The following NELL1 variants were observed in gnomAD, a reference collection of about 807,000 sequenced individuals.
The protein encoded by NELL1 is neural EGFL like 1, also known as protein kinase C-binding protein NELL1.
Under a neutral mutation model 107.4 loss-of-function variants are expected in NELL1, and 76 were observed. That is an observed-to-expected ratio of 0.71 (90% CI 0.59 to 0.86). NELL1 has a LOEUF of 0.86. Among genes scored for constraint, NELL1 ranks in the 40% least tolerant of loss-of-function variants. The pLI is 0.00. For missense variants in NELL1, 1,024 were observed against 1,005.5 expected, an observed-to-expected ratio of 1.02 and a Z score of -0.25; for synonymous variants, 353 against 341.2, an observed-to-expected ratio of 1.03 and a Z score of -0.38.
At chr11:21,304,446 ATGCAGTGGGGAAAGGAT>A (rs1266895797) in intron 14 of NELL1, among the ~76,000 whole-genome samples, 1 of 152,002 alleles carries the variant, frequency 6.6e-6, no homozygotes, top group African/African-American at 2.4e-5. Flanking sequence ...CACAGAAGTG[ATGCAGTGGGGAAAGGAT>A]TGCAGTGGGA....
intron 12 of NELL1, among the ~76,000 whole-genome samples, chr11:20,961,205 T>C (rs1264493369): frequency 6.6e-6 from 1 of 152,162 alleles, no homozygotes; most frequent in African/African-American, 2.4e-5. Context: ...GCACCGTTTT[T>C]TCAGGCTTAG....
intron 14 of NELL1, among the ~76,000 whole-genome samples, chr11:21,264,749 G>C (rs562482253): frequency 2.1e-4 from 32 of 151,860 alleles, no homozygotes; most frequent in Non-Finnish European, 3.4e-4. Context: ...AACAGTTGTG[G>C]AGTGTGTGTG....
At chr11:20,916,236 A>C in intron 5 of NELL1, among the ~76,000 whole-genome samples, 1 of 152,056 alleles carries the variant, frequency 6.6e-6, no homozygotes, top group East Asian at 1.9e-4. Context: ...ACCTTCACCT[A>C]ATGATCTATG....
In NELL1 at chr11:20,728,075, CAT is replaced by C. The variant is rs1179299039; in HGVS notation, c.184+50018_184+50019del. On this transcript the variant is annotated intron_variant, in intron 2 of 19. Coordinates refer to ENST00000357134, the MANE Select transcript of NELL1 (RefSeq NM_006157.5). ...TGATTAGTCATGCTGAGCATTTTTT[CAT>C]ATGTTTGTTGGCCGTTTCTATGTAT... 5.3e-5 allele frequency among the ~76,000 whole-genome samples: 8 copies of C among 152,050 alleles called. No individual in the cohort carries two copies. The South Asian group carries it at 8.3e-4, about 16-fold the overall frequency.
intron 14 of NELL1, among the ~76,000 whole-genome samples, chr11:21,264,889 A>G (rs1848606733): frequency 1.3e-5 from 2 of 151,954 alleles, no homozygotes; most frequent in Non-Finnish European, 2.9e-5. Context: ...AAGCCTCCAA[A>G]ATAGAGAGCA....
chr11:20,885,584 T>A (rs764153071), intron 5 of NELL1, 44 bp downstream of exon 5: 2 of 1,184,214 alleles, frequency 1.7e-6, no homozygotes, highest in Non-Finnish European at 2.5e-6. Context: ...ATATAGGCGA[T>A]GCTCAGTTTT....
rs147724159 is a variant in NELL1 at position 20,817,643 on chromosome 11, C to T, written c.336-29940C>T. Among the ~76,000 whole-genome samples the T allele has an allele frequency of 2.0e-4, 30 of 151,446 alleles. No homozygotes were observed. The South Asian group carries it at 4.2e-3, about 21-fold the overall frequency. ...TCCTGGATCTCAATTTCCTTTAGTT[C>T]TCTCCTGATTTTAGTTACTTATTTT... On this transcript the variant is annotated intron_variant, in intron 3 of 19. Transcript: ENST00000357134.
chr11:21,388,232 A>G (rs548335205), intron 15 of NELL1, among the ~76,000 whole-genome samples: 3 of 151,922 alleles, frequency 2.0e-5, no homozygotes, highest in East Asian at 2.0e-4. Flanking sequence ...GCATTTCTAC[A>G]TCGGGGCAGT....
intron 13 of NELL1, among the ~76,000 whole-genome samples, chr11:21,225,915 G>A (rs980993731): frequency 1.3e-5 from 2 of 152,106 alleles, no homozygotes; most frequent in Non-Finnish European, 2.9e-5. Flanking sequence ...TTTACAATGA[G>A]GAATCTAAGA....
intron 2 of NELL1, among the ~76,000 whole-genome samples, chr11:20,730,206 G>A (rs1855600173): frequency 1.3e-5 from 2 of 152,210 alleles, no homozygotes; most frequent in East Asian, 1.9e-4. Flanking sequence ...AAGCAAATAT[G>A]TAAAAGATTA....
intron 15 of NELL1, among the ~76,000 whole-genome samples, chr11:21,522,562 G>T (rs1363399285): frequency 6.6e-6 from 1 of 152,060 alleles, no homozygotes; most frequent in Non-Finnish European, 1.5e-5. Context: ...AGACTCTGAA[G>T]GTGTGCGGGG....
In NELL1 at chr11:21,528,081, T is replaced by C. The variant is rs1330092947; in HGVS notation, c.1646-6293T>C. 2.6e-5 allele frequency among the ~76,000 whole-genome samples: 4 copies of C among 152,300 alleles called. No individual in the cohort carries two copies. The East Asian group carries it at 7.7e-4, about 29-fold the overall frequency. ...ACTAATAGAGGCCATAAATGCACAG[T>C]CCTTTCATTTTACACAGAAGGAACT... On this transcript the variant is annotated intron_variant, in intron 15 of 19. Coordinates refer to ENST00000357134, the MANE Select transcript of NELL1 (RefSeq NM_006157.5).
intron 12 of NELL1, among the ~76,000 whole-genome samples, chr11:21,008,496 G>T (rs1326664971): frequency 6.6e-6 from 1 of 152,070 alleles, no homozygotes; most frequent in African/African-American, 2.4e-5. Context: ...TGGGACAGGC[G>T]CTGTATTATA....
chr11:20,747,115 C>T (rs1355228381), intron 2 of NELL1, among the ~76,000 whole-genome samples: 3 of 152,072 alleles, frequency 2.0e-5, no homozygotes, highest in African/African-American at 4.8e-5. Flanking sequence ...AGTATTGCCT[C>T]AGAGTGATGG....
intron 4 of NELL1, among the ~76,000 whole-genome samples, chr11:20,876,162 G>A (rs1849300750): frequency 6.6e-6 from 1 of 152,166 alleles, no homozygotes; most frequent in African/African-American, 2.4e-5. Context: ...CCTTGTTATA[G>A]CCCTTCTTCC....
chr11:20,804,183 A>G (rs1378011130), intron 3 of NELL1, among the ~76,000 whole-genome samples: 1 of 152,030 alleles, frequency 6.6e-6, no homozygotes, highest in Non-Finnish European at 1.5e-5. Flanking sequence ...AGGTTTTGGT[A>G]TGCTGTGTGT....
intron 17 of NELL1, 56 bp from the exon 18 acceptor site, chr11:21,570,708 G>A (rs780351052): frequency 2.3e-5 from 35 of 1,540,966 alleles, no homozygotes; most frequent in African/African-American, 2.0e-4. Flanking sequence ...TTCTCTTAGT[G>A]TAGCTGTCCA....
intron 13 of NELL1, among the ~76,000 whole-genome samples, chr11:21,166,295 T>C (rs1418578615): frequency 2.0e-5 from 3 of 151,526 alleles, no homozygotes; most frequent in Non-Finnish European, 2.9e-5. Context: ...AAAAAAGTAG[T>C]TGGAAAGAAT....
intron 14 of NELL1, among the ~76,000 whole-genome samples, chr11:21,293,443 G>A (rs1849313661): frequency 6.6e-6 from 1 of 152,200 alleles, no homozygotes; most frequent in Non-Finnish European, 1.5e-5. Context: ...AGATGCTGGA[G>A]AGGATGTGGA....
Sources: gnomAD v4.1 joint callset for allele counts (sites outside exome capture counted in the v4.1 genomes callset) on GRCh38, gnomAD v4.1.1 for gene constraint, MANE v1.5 for transcripts, NCBI Gene and HGNC (gene_info 2026-07-23, HGNC 2026-07-21) for gene names.